SNX29: variants seen among roughly 807,000 people sequenced by gnomAD.
The protein encoded by SNX29 is sorting nexin 29.
A neutral mutation model predicts 102.1 loss-of-function variants in SNX29; 78 were observed. The ratio of observed to expected loss-of-function variants is 0.76; its 90% CI spans 0.64 to 0.92. SNX29 has a LOEUF of 0.92. Among genes scored for constraint, SNX29 ranks in the 40% least tolerant of loss-of-function variants. The pLI is 0.00. For synonymous variants in SNX29, 580 were observed against 414.5 expected (o/e 1.40, Z -4.85); for missense variants, 1,280 against 1,061.7 (o/e 1.21, Z -2.86).
At chr16:12,027,665 A>G (rs888140554) in intron 4 of SNX29, 6 of 470,966 alleles carry the variant, frequency 1.3e-5, no homozygotes, top group African/African-American at 8.0e-5. Flanking sequence ...TCTCAGAGCC[A>G]CATGGTACAG....
At chr16:12,217,214 C>T (rs529802688) in intron 14 of SNX29, among the ~76,000 whole-genome samples, 16 of 152,278 alleles carry the variant, frequency 1.1e-4, no homozygotes, top group African/African-American at 3.9e-4. Flanking sequence ...GAGACAGGGT[C>T]TCACGATGTT....
At chr16:12,151,296 CCA>C (rs892320297) in intron 13 of SNX29, among the ~76,000 whole-genome samples, 1 of 144,094 alleles carries the variant, frequency 6.9e-6, no homozygotes, top group African/African-American at 2.5e-5. Flanking sequence ...AAAATTATCA[CCA>C]CACACACACT....
At chr16:12,486,124 A>G (rs917554374) in intron 19 of SNX29, among the ~76,000 whole-genome samples, 1 of 152,202 alleles carries the variant, frequency 6.6e-6, no homozygotes, top group Non-Finnish European at 1.5e-5. Flanking sequence ...TTTCCAGCTT[A>G]GAGGCTGCTT....
intron 20 of SNX29, among the ~76,000 whole-genome samples, chr16:12,567,874 G>A (rs780968475): frequency 8.5e-5 from 13 of 152,052 alleles, no homozygotes; most frequent in Non-Finnish European, 1.5e-4. Context: ...AAAATGTGCC[G>A]AGGGCCTCCC....
intron 1 of SNX29, among the ~76,000 whole-genome samples, chr16:11,989,431 G>A (rs930924449): frequency 1.3e-5 from 2 of 152,110 alleles, no homozygotes; most frequent in East Asian, 1.9e-4. Context: ...CTTTTGTCCT[G>A]GGCCAGCTGT....
At chr16:12,397,480 T>C (rs961312516) in intron 16 of SNX29, among the ~76,000 whole-genome samples, 2 of 152,152 alleles carry the variant, frequency 1.3e-5, no homozygotes, top group African/African-American at 2.4e-5. Context: ...TGCTGGGGAT[T>C]GTGGGGAGTG....
intron 11 of SNX29, among the ~76,000 whole-genome samples, chr16:12,097,459 T>C (rs1420383336): frequency 2.0e-5 from 3 of 152,216 alleles, no homozygotes; most frequent in African/African-American, 7.2e-5. Context: ...AGGCTCTCAC[T>C]TGTCTGTGGT....
intron 14 of SNX29, among the ~76,000 whole-genome samples, chr16:12,212,289 G>T (rs2077207214): frequency 6.6e-6 from 1 of 152,168 alleles, no homozygotes; most frequent in Non-Finnish European, 1.5e-5. Context: ...GAGTGGGAGG[G>T]ACTCGGAAGT....
At chr16:12,180,692 A>C (rs1207454983) in intron 13 of SNX29, among the ~76,000 whole-genome samples, 1 of 152,134 alleles carries the variant, frequency 6.6e-6, no homozygotes, top group African/African-American at 2.4e-5. Flanking sequence ...TCACCGTGTA[A>C]GCCAGGATGG....
At chr16:12,516,556 C>G (rs1378111748) in intron 19 of SNX29, among the ~76,000 whole-genome samples, 3 of 150,400 alleles carry the variant, frequency 2.0e-5, no homozygotes, top group Admixed American at 2.0e-4. Context: ...CCTTAGTAGT[C>G]TAGTCAACAT....
At chr16:12,555,630 G>C (rs1597998800) in intron 20 of SNX29, among the ~76,000 whole-genome samples, 1 of 151,914 alleles carries the variant, frequency 6.6e-6, no homozygotes, top group Admixed American at 6.6e-5. Flanking sequence ...TGCCACACCT[G>C]AGTAACCCCA....
chr16:12,537,853 C>T (rs1344264758), intron 20 of SNX29, among the ~76,000 whole-genome samples: 3 of 152,090 alleles, frequency 2.0e-5, no homozygotes, highest in African/African-American at 4.8e-5. Context: ...GGCATGGTGG[C>T]TCACGCTTAT....
intron 20 of SNX29, among the ~76,000 whole-genome samples, chr16:12,563,666 C>T (rs533564424): frequency 1.3e-5 from 2 of 152,172 alleles, no homozygotes; most frequent in African/African-American, 2.4e-5. Context: ...TTTCAATTCC[C>T]CGAGAGCCCA....
At chr16:12,444,966 G>C (rs1210407472) in intron 18 of SNX29, among the ~76,000 whole-genome samples, 1 of 150,950 alleles carries the variant, frequency 6.6e-6, no homozygotes, top group Admixed American at 6.6e-5. Context: ...GTTCTCCTGC[G>C]TCAGCCTCCC....
At chr16:12,483,114 G>GTTTTGTTTTTTT (rs2088029743) in intron 19 of SNX29, among the ~76,000 whole-genome samples, 1 of 66,196 alleles carries the variant, frequency 1.5e-5, no homozygotes, top group African/African-American at 6.1e-5. Context: ...AAGTTATTAA[G>GTTTTGTTTTTTT]TTTTTTTTTT....
chr16:12,571,907 T>C lies in SNX29; in HGVS notation c.*3278T>C. On this transcript the variant is annotated 3_prime_UTR_variant, in exon 21 of 21. Coordinates refer to ENST00000566228, the MANE Select transcript of SNX29 (RefSeq NM_032167.5). Reference sequence around the variant, plus strand: ...TGAGGTTCAAAGCCCCCTGCATTTCTCTACTGGCAGGCCCTGGTGAAGGAA... The same window carrying C: ...TGAGGTTCAAAGCCCCCTGCATTTCCCTACTGGCAGGCCCTGGTGAAGGAA... 9.4e-7 allele frequency: 1 copy of C among 1,062,034 alleles called. No homozygotes were observed. Among genetic ancestry groups the C allele is most frequent in the African/African-American group, 1.6e-5 (1 of 60,968 alleles). 65.8% of individuals were successfully genotyped at this position (1,062,034 alleles called of 1,614,324 possible).
intron 13 of SNX29, among the ~76,000 whole-genome samples, chr16:12,185,820 G>T (rs2076496906): frequency 6.6e-6 from 1 of 152,206 alleles, no homozygotes; most frequent in Non-Finnish European, 1.5e-5. Flanking sequence ...GTCCCCAGAT[G>T]CTATGCCTCT....
intron 19 of SNX29, among the ~76,000 whole-genome samples, chr16:12,495,292 C>T (rs2088765472): frequency 6.6e-6 from 1 of 152,148 alleles, no homozygotes; most frequent in Non-Finnish European, 1.5e-5. Context: ...GTTGGGATTA[C>T]AGACGTGCAC....
At chr16:12,151,948 T>C (rs1687767847) in intron 13 of SNX29, among the ~76,000 whole-genome samples, 1 of 152,198 alleles carries the variant, frequency 6.6e-6, no homozygotes, top group African/African-American at 2.4e-5. Flanking sequence ...TTGGCCAGAC[T>C]AGTCTGAAAC....
Sources: gnomAD v4.1 joint callset for allele counts (sites outside exome capture counted in the v4.1 genomes callset) on GRCh38, gnomAD v4.1.1 for gene constraint, MANE v1.5 for transcripts, NCBI Gene and HGNC (gene_info 2026-07-23, HGNC 2026-07-21) for gene names.